FAM193A: variants seen among roughly 807,000 people sequenced by gnomAD.
FAM193A encodes the protein family with sequence similarity 193 member A.
A neutral mutation model predicts 126.5 loss-of-function variants in FAM193A; 22 were observed. The observed-to-expected ratio is 0.17, with a 90% CI of 0.12 to 0.25. The LOEUF is 0.25. Ranked by LOEUF, FAM193A falls within the 10% of genes least tolerant of loss-of-function variation. The pLI, the probability that FAM193A is intolerant of heterozygous loss-of-function variation, is 1.00. For missense variants in FAM193A, 1,675 were observed against 1,672.8 expected (o/e 1.00, Z -0.02); for synonymous variants, 761 against 646.8 (o/e 1.18, Z -2.68).
intron 19 of FAM193A, among the ~76,000 whole-genome samples, chr4:2,709,186 T>G (rs953826069): frequency 6.6e-6 from 1 of 152,218 alleles, no homozygotes; most frequent in African/African-American, 2.4e-5. Flanking sequence ...CTTAGATGTA[T>G]TAATACGATG....
At chr4:2,723,633 G>T (rs1720407585) in intron 20 of FAM193A, among the ~76,000 whole-genome samples, 2 of 152,074 alleles carry the variant, frequency 1.3e-5, no homozygotes, top group South Asian at 4.1e-4. Flanking sequence ...TTGATTTTAG[G>T]AAGTATGTCA....
intron 2 of FAM193A, among the ~76,000 whole-genome samples, chr4:2,616,126 G>T (rs1742170204): frequency 6.6e-6 from 1 of 152,114 alleles, no homozygotes; most frequent in Non-Finnish European, 1.5e-5. Flanking sequence ...ACTATGGATT[G>T]GTATATTTAT....
rs1028904372 is a variant in FAM193A, at chr4:2,699,447, C to A, written c.3508-233C>A. Among the ~76,000 whole-genome samples the A allele has an allele frequency of 1.6e-4, 9 of 57,086 alleles. 2 individuals carry two copies. Among genetic ancestry groups the A allele is most frequent in the Non-Finnish European group, 7.5e-5 (2 of 26,834 alleles). 37.5% of individuals were successfully genotyped at this position (57,086 alleles called of 152,430 possible). On this transcript the variant is annotated intron_variant, in intron 18 of 20. Transcript: ENST00000637812. ...TTTTGTTAACTACCACCCCCCCCCCCACACACACACACACAAATAAGTAAG... is the reference window on the plus strand; with the variant it reads ...TTTTGTTAACTACCACCCCCCCCCCAACACACACACACACAAATAAGTAAG...
chr4:2,699,446 CCACACA>C lies in FAM193A; in HGVS notation c.3508-223_3508-218del, dbSNP rs78563573. Among the ~76,000 whole-genome samples the C allele has an allele frequency of 8.7e-5, 9 of 103,540 alleles. 1 individual carries two copies. Among genetic ancestry groups the C allele is most frequent in the African/African-American group, 2.8e-4 (8 of 28,688 alleles). The allele number at this position is 103,540 out of a possible 152,430, so 67.9% of individuals were successfully genotyped here. ...TTTTTGTTAACTACCACCCCCCCCC[CCACACA>C]CACACACACAAATAAGTAAGCATAT... On this transcript the variant is annotated intron_variant, in intron 18 of 20. Coordinates refer to ENST00000637812, the MANE Select transcript of FAM193A (RefSeq NM_001366318.2).
intron 13 of FAM193A, among the ~76,000 whole-genome samples, chr4:2,681,702 A>G (rs1296009095): frequency 2.0e-5 from 3 of 152,136 alleles, no homozygotes; most frequent in Non-Finnish European, 1.5e-5. Context: ...GGGCTCAAGC[A>G]GTCCTCCTGC....
chr4:2,640,701 C>T (rs116773740), intron 6 of FAM193A, among the ~76,000 whole-genome samples: 4,314 of 152,256 alleles, frequency 0.028, 182 homozygotes, highest in African/African-American at 0.097. Context: ...TGGTGGCTCA[C>T]GCCTGTAATT....
chr4:2,552,932 C>G (rs367915414), intron 1 of FAM193A, among the ~76,000 whole-genome samples: 5 of 149,306 alleles, frequency 3.3e-5, no homozygotes, highest in Admixed American at 2.0e-4. Context: ...ACTGCAACCT[C>G]TGCCTCCCAG....
chr4:2,567,627 T>C lies in FAM193A; in HGVS notation c.256-28457T>C, dbSNP rs578090639. ...TTATTTTCATCTCATTGTATGTTTTTATATTTTGTGTATTTTTTTAATGAA... is the reference window on the plus strand; with the variant it reads ...TTATTTTCATCTCATTGTATGTTTTCATATTTTGTGTATTTTTTTAATGAA... On this transcript the variant is annotated intron_variant, in intron 1 of 20. Transcript: ENST00000637812. Among the ~76,000 whole-genome samples the C allele has an allele frequency of 3.9e-5, 6 of 152,342 alleles. No individual in the cohort carries two copies. In the East Asian group the frequency reaches 9.6e-4, roughly 24 times the overall value.
At chr4:2,712,310 G>T (rs1404736070) in intron 19 of FAM193A, among the ~76,000 whole-genome samples, 2 of 152,004 alleles carry the variant, frequency 1.3e-5, no homozygotes, top group Admixed American at 1.3e-4. Flanking sequence ...GTGTCCTCAT[G>T]GCCTGTCTTC....
intron 4 of FAM193A, among the ~76,000 whole-genome samples, chr4:2,630,141 A>G (rs1220946919): frequency 6.6e-6 from 1 of 152,080 alleles, no homozygotes; most frequent in Non-Finnish European, 1.5e-5. Context: ...CAAAAAAAAA[A>G]AAAAAATGTG....
chr4:2,685,110 G>A (rs902275493), intron 13 of FAM193A, among the ~76,000 whole-genome samples: 2 of 152,200 alleles, frequency 1.3e-5, no homozygotes, highest in Non-Finnish European at 2.9e-5. Flanking sequence ...AGTGAAGACA[G>A]GGATGTCTCT....
intron 1 of FAM193A, among the ~76,000 whole-genome samples, chr4:2,587,637 C>T (rs977467435): frequency 4.6e-5 from 7 of 152,110 alleles, no homozygotes; most frequent in African/African-American, 1.2e-4. Flanking sequence ...GAGGTTGCAG[C>T]GAGCCAAGAT....
chr4:2,631,919 T>C (rs1370078757), intron 5 of FAM193A, among the ~76,000 whole-genome samples: 1 of 152,214 alleles, frequency 6.6e-6, no homozygotes, highest in Non-Finnish European at 1.5e-5. Flanking sequence ...CTGTTACTAA[T>C]AGTCTATGGA....
chr4:2,603,799 T>C (rs1432914903), intron 2 of FAM193A, among the ~76,000 whole-genome samples: 1 of 152,044 alleles, frequency 6.6e-6, no homozygotes, highest in Admixed American at 6.6e-5. Flanking sequence ...ACCCGTGAAT[T>C]ATTTAGAAGT....
In FAM193A at chr4:2,699,699, T is replaced by C; in HGVS notation, c.3527T>C (p.Leu1176Pro). ...KQRKLEEKARLEAEARAREHL... is the reference protein window; with the variant it reads ...KQRKLEEKARPEAEARAREHL... ...TGGCAGCTGGAGGAGAAAGCTCGCC[T>C]AGAAGCAGAGGCCAGGGCCCGGGAG... The change falls in exon 19 of 21, where the codon CTA (leucine) becomes CCA (proline). Residue 1176 changes from leucine to proline, a missense_variant. Coordinates refer to ENST00000637812, the MANE Select transcript of FAM193A (RefSeq NM_001366318.2). The C allele has an allele frequency of 6.2e-7, 1 of 1,605,328 alleles. No individual in the cohort carries two copies. Among genetic ancestry groups the C allele is most frequent in the Non-Finnish European group, 8.5e-7 (1 of 1,177,032 alleles).
intron 20 of FAM193A, among the ~76,000 whole-genome samples, chr4:2,729,980 A>C (rs1350371174): frequency 6.6e-6 from 1 of 152,040 alleles, no homozygotes; most frequent in Non-Finnish European, 1.5e-5. Flanking sequence ...ATCACAGCTC[A>C]CTGCAGCCTT....
chr4:2,637,657 C>G (rs919767810), intron 5 of FAM193A, among the ~76,000 whole-genome samples: 1 of 152,194 alleles, frequency 6.6e-6, no homozygotes, highest in African/African-American at 2.4e-5. Flanking sequence ...TTCCATAGGC[C>G]TCACCTCTCG....
chr4:2,541,252 A>C (rs1737215642), intron 1 of FAM193A, among the ~76,000 whole-genome samples: 1 of 151,896 alleles, frequency 6.6e-6, no homozygotes. Flanking sequence ...GAATTGCTTG[A>C]ACCTGGGAGG....
At chr4:2,686,907 T>TCGC (rs2109245170) in intron 13 of FAM193A, among the ~76,000 whole-genome samples, 1 of 152,362 alleles carries the variant, frequency 6.6e-6, no homozygotes, top group East Asian at 1.9e-4. Context: ...TCTTAGCTTA[T>TCGC]CGCTGCTTTG....
Sources: gnomAD v4.1 joint callset for allele counts (sites outside exome capture counted in the v4.1 genomes callset) on GRCh38, gnomAD v4.1.1 for gene constraint, MANE v1.5 for transcripts, NCBI Gene and HGNC (gene_info 2026-07-23, HGNC 2026-07-21) for gene names.